Variants in FAT4 observed in about 807,000 individuals in gnomAD.
FAT4 encodes the protein protocadherin Fat 4.
In FAT4, 84 loss-of-function variants were observed where a neutral mutation model predicts 303.9. The observed-to-expected ratio is 0.28, with a 90% CI of 0.23 to 0.33. The LOEUF is 0.33. Ranked by LOEUF, FAT4 falls within the 10% of genes least tolerant of loss-of-function variation. The pLI, the probability that FAT4 is intolerant of heterozygous loss-of-function variation, is 1.00. For synonymous variants in FAT4, 2,307 were observed against 2,298.8 expected, an observed-to-expected ratio of 1.00 and a Z score of -0.10; for missense variants, 6,005 against 6,146.8, an observed-to-expected ratio of 0.98 and a Z score of 0.77.
intron 8 of FAT4, among the ~76,000 whole-genome samples, chr4:125,444,609 A>G (rs1725763828): frequency 1.3e-5 from 2 of 152,134 alleles, no homozygotes; most frequent in South Asian, 2.1e-4. Context: ...CTATCAACAC[A>G]TTACGCTTAA....
chr4:125,402,900 A>G (rs1734442907), intron 3 of FAT4, among the ~76,000 whole-genome samples: 1 of 152,020 alleles, frequency 6.6e-6, no homozygotes, highest in South Asian at 2.1e-4. Context: ...TATTAAATTA[A>G]AGAGTAATTT....
intron 14 of FAT4, 42 bp downstream of exon 14, chr4:125,477,376 G>A (rs960456439): frequency 3.4e-6 from 5 of 1,484,826 alleles, no homozygotes; most frequent in Admixed American, 4.0e-5. Flanking sequence ...GAAAAAAAAT[G>A]CAAAAAAGTA....
chr4:125,413,027 A>G (rs1194429131), intron 5 of FAT4, among the ~76,000 whole-genome samples: 1 of 151,818 alleles, frequency 6.6e-6, no homozygotes, highest in Non-Finnish European at 1.5e-5. Flanking sequence ...GTATACACAT[A>G]ATTAAAAATA....
intron 17 of FAT4, among the ~76,000 whole-genome samples, chr4:125,488,204 C>T (rs1189054892): frequency 6.6e-6 from 1 of 152,090 alleles, no homozygotes; most frequent in Non-Finnish European, 1.5e-5. Flanking sequence ...TTAAAGAAAT[C>T]GTTTAAGCCA....
chr4:125,402,964 C>T (rs1188912111), intron 3 of FAT4, among the ~76,000 whole-genome samples: 1 of 151,950 alleles, frequency 6.6e-6, no homozygotes, highest in East Asian at 1.9e-4. Flanking sequence ...TCAATAATAA[C>T]ATATAATAGG....
At position 125,398,849 on chromosome 4, in the gene FAT4, C is replaced by T; in HGVS notation, c.5241C>T (p.Leu1747=). 17 of 1,613,062 alleles carry T rather than the reference C, an allele frequency of 1.1e-5. 1 individual carries two copies. The highest frequency in any genetic ancestry group is 1.4e-5 in the Non-Finnish European group (17 of 1,179,222). Residue 1747 remains leucine (L), a synonymous_variant, in exon 3 of 18, where the codon CTC becomes CTT. Transcript: ENST00000394329. ...PPVFPTDMLD[L]TVEENIGDGS... ...TATTTCCAACGGACATGCTGGATCT[C>T]ACGGTAGAGGAGAACATTGGAGATG...
rs1727221780 is a variant in FAT4 at position 125,481,441 on chromosome 4, A to T, written c.12605-80A>T. 3.5e-5 allele frequency: 42 copies of T among 1,200,340 alleles called. 5 individuals are homozygous for T. In the South Asian group the frequency reaches 5.5e-4, roughly 16 times the overall value. The allele number at this position is 1,200,340 out of a possible 1,614,324, so 74.4% of individuals were successfully genotyped here. ...AAACGACATTTTCATTGTCCTTTTT[A>T]TATTTTTGTCACTATAGAAAACACT... On this transcript the variant is annotated intron_variant, in intron 15 of 17. Transcript: ENST00000394329.
chr4:125,316,840 T>G lies in FAT4; in HGVS notation c.429T>G (p.Thr143=). Residue 143 remains threonine (T), a synonymous_variant, in exon 2 of 18, where the codon ACT becomes ACG. Coordinates refer to ENST00000394329, the MANE Select transcript of FAT4 (RefSeq NM_001291303.3). The surrounding 1 kb of genome is among the most constrained non-coding windows in gnomAD (Gnocchi z 5.7). ...TCCCGGACCCCTCTATCGTGGTCACTTTCAAGGAAGACAGTAGCAGCGGAC... is the reference window on the plus strand; with the variant it reads ...TCCCGGACCCCTCTATCGTGGTCACGTTCAAGGAAGACAGTAGCAGCGGAC... ...PVFPDPSIVV[T]FKEDSSSGRQ... 1 of 1,614,020 alleles carries G rather than the reference T, an allele frequency of 6.2e-7. No homozygotes were observed. The highest frequency in any genetic ancestry group is 8.5e-7 in the Non-Finnish European group (1 of 1,180,002).
At chr4:125,442,596 C>T (rs1370885182) in intron 8 of FAT4, among the ~76,000 whole-genome samples, 1 of 151,956 alleles carries the variant, frequency 6.6e-6, no homozygotes, top group African/African-American at 2.4e-5. Flanking sequence ...AAGCAATTAT[C>T]AAAAATATTA....
At chr4:125,332,558 T>C (rs1484778542) in intron 2 of FAT4, among the ~76,000 whole-genome samples, 2 of 152,174 alleles carry the variant, frequency 1.3e-5, no homozygotes, top group East Asian at 3.9e-4. Flanking sequence ...CAGTGTTTTG[T>C]TTCATTCAGA....
intron 8 of FAT4, among the ~76,000 whole-genome samples, chr4:125,435,238 A>G (rs977535202): frequency 2.0e-5 from 3 of 152,196 alleles, no homozygotes; most frequent in African/African-American, 4.8e-5. Flanking sequence ...CATTTTATCA[A>G]CCTAGATTGT....
intron 2 of FAT4, among the ~76,000 whole-genome samples, chr4:125,354,511 AGT>A: frequency 6.6e-6 from 1 of 151,890 alleles, no homozygotes; most frequent in East Asian, 1.9e-4. Flanking sequence ...GTACAGTTAT[AGT>A]GTATACTAGG....
intron 11 of FAT4, among the ~76,000 whole-genome samples, chr4:125,466,084 G>A (rs1726652407): frequency 6.6e-6 from 1 of 152,032 alleles, no homozygotes; most frequent in Non-Finnish European, 1.5e-5. Flanking sequence ...ATCAATAAAA[G>A]ATTGGCTATT....
At chr4:125,404,222 A>G (rs1392411741) in intron 3 of FAT4, among the ~76,000 whole-genome samples, 4 of 152,106 alleles carry the variant, frequency 2.6e-5, no homozygotes. Context: ...TGTTTCAGCA[A>G]CTTGGGGGAA....
At chr4:125,409,657 C>CT (rs1233066988) in intron 5 of FAT4, among the ~76,000 whole-genome samples, 1 of 152,166 alleles carries the variant, frequency 6.6e-6, no homozygotes, top group Non-Finnish European at 1.5e-5. Context: ...TAAATTTATA[C>CT]TTTACATGTG....
chr4:125,451,417 A>G lies in FAT4; in HGVS notation c.10407A>G (p.Glu3469=), dbSNP rs747627861. 25 of 1,614,032 alleles carry G rather than the reference A, an allele frequency of 1.5e-5. No individual in the cohort carries two copies. The highest frequency in any genetic ancestry group is 2.1e-5 in the Non-Finnish European group (25 of 1,180,022). Residue 3469 remains glutamate (E), a synonymous_variant, in exon 10 of 18, where the codon GAA becomes GAG. Transcript: ENST00000394329. ...CAGGACAGATCACCGTTACTGCAGAATTAGATCGAGAAACCCTTCCCATCT... is the reference window on the plus strand; with the variant it reads ...CAGGACAGATCACCGTTACTGCAGAGTTAGATCGAGAAACCCTTCCCATCT... ...PQTGQITVTA[E]LDRETLPIYN... is the part of the protein sequence containing the mutation.
In FAT4 at chr4:125,449,524, A is replaced by C; in HGVS notation, c.8514A>C (p.Glu2838Asp). 1 of 1,613,874 alleles carries C rather than the reference A, an allele frequency of 6.2e-7. No homozygotes were observed. The highest frequency in any genetic ancestry group is 8.5e-7 in the Non-Finnish European group (1 of 1,179,838). The stretch of plus-strand genomic sequence containing the variant: ...TCATAAGCAGACCTTTAAATAGGGA[A>C]GATACAGACCGTTACAGAATTCGAG... The part of the protein sequence containing the change: ...DIVISRPLNR[E>D]DTDRYRIRVS... The change falls in exon 10 of 18, where the codon GAA (glutamate) becomes GAC (aspartate). Residue 2838 changes from glutamate (E) to aspartate (D), a missense_variant. Coordinates refer to ENST00000394329, the MANE Select transcript of FAT4 (RefSeq NM_001291303.3).
chr4:125,335,420 A>T (rs759759434), intron 2 of FAT4, among the ~76,000 whole-genome samples: 1 of 152,102 alleles, frequency 6.6e-6, no homozygotes, highest in Non-Finnish European at 1.5e-5. Flanking sequence ...GCTGTTTATT[A>T]TAAGTGTCTA....
chr4:125,438,850 T>C (rs1455989971), intron 8 of FAT4, among the ~76,000 whole-genome samples: 3 of 152,154 alleles, frequency 2.0e-5, no homozygotes, highest in African/African-American at 4.8e-5. Flanking sequence ...AAAAGAGCTA[T>C]TGGTTTAATT....
Sources: allele counts gnomAD v4.1 joint callset (sites outside exome capture counted in the v4.1 genomes callset), GRCh38; gene constraint gnomAD v4.1.1; non-coding constraint Gnocchi (gnomAD v3.1); transcripts MANE v1.5; gene names NCBI Gene and HGNC (gene_info 2026-07-23, HGNC 2026-07-21).